PALLD: variants seen among roughly 807,000 people sequenced by gnomAD.
PALLD encodes palladin, cytoskeletal associated protein.
PALLD carries 61 observed loss-of-function variants against 123.5 expected under a neutral mutation model. The observed-to-expected ratio is 0.49, with a 90% CI of 0.40 to 0.61. The LOEUF (loss-of-function observed/expected upper bound fraction) is 0.61, where lower values mean the gene tolerates loss of function less well. Among genes scored for constraint, PALLD ranks in the 20% least tolerant of loss-of-function variants. The probability of loss-of-function intolerance (pLI) is 0.00; values close to 1 mark genes in which losing one functional copy is unlikely to be tolerated. For missense variants in PALLD, 1,273 were observed against 1,377.0 expected, an observed-to-expected ratio of 0.92 and a Z score of 1.20; for synonymous variants, 465 against 496.4, an observed-to-expected ratio of 0.94 and a Z score of 0.84.
intron 2 of PALLD, among the ~76,000 whole-genome samples, chr4:168,536,376 C>G (rs1268654251): frequency 6.6e-6 from 1 of 152,230 alleles, no homozygotes; most frequent in Non-Finnish European, 1.5e-5. Flanking sequence ...AGCCACAGAG[C>G]ATTGCCCTCC....
chr4:168,632,326 T>C lies in PALLD; in HGVS notation c.909-35864T>C, dbSNP rs1027037846. The stretch of plus-strand genomic sequence containing the variant: ...TAATCGGCTCCATCCTCGGTTGAAA[T>C]AGAAGGAAACTTTCACAAAGCAATC... On this transcript the variant is annotated intron_variant, in intron 2 of 21. Coordinates refer to ENST00000505667, the MANE Select transcript of PALLD (RefSeq NM_001166108.2). 6.6e-5 allele frequency among the ~76,000 whole-genome samples: 10 copies of C among 152,284 alleles called. No individual in the cohort carries two copies. The East Asian group carries it at 1.7e-3, about 26-fold the overall frequency.
chr4:168,823,317 A>G (rs1742986028), intron 10 of PALLD, among the ~76,000 whole-genome samples: 1 of 152,210 alleles, frequency 6.6e-6, no homozygotes, highest in African/African-American at 2.4e-5. Flanking sequence ...GTAACAGAGA[A>G]CACTGCTAGG....
At chr4:168,825,877 T>G (rs1223418698) in intron 10 of PALLD, among the ~76,000 whole-genome samples, 2 of 152,228 alleles carry the variant, frequency 1.3e-5, no homozygotes, top group Non-Finnish European at 2.9e-5. Flanking sequence ...AAGAACAAGC[T>G]GAGGACTTTA....
At chr4:168,607,735 A>T (rs1015948513) in intron 2 of PALLD, among the ~76,000 whole-genome samples, 2 of 152,000 alleles carry the variant, frequency 1.3e-5, no homozygotes, top group Admixed American at 6.6e-5. Context: ...CTGTTCCTCT[A>T]TAATGCTAAT....
chr4:168,796,612 T>C (rs1738546426), intron 10 of PALLD, among the ~76,000 whole-genome samples: 1 of 152,202 alleles, frequency 6.6e-6, no homozygotes, highest in Non-Finnish European at 1.5e-5. Flanking sequence ...AGAGGTTCCA[T>C]CTATGAGATG....
intron 10 of PALLD, among the ~76,000 whole-genome samples, chr4:168,718,614 A>G (rs188205121): frequency 2.0e-5 from 3 of 152,338 alleles, no homozygotes; most frequent in African/African-American, 7.2e-5. Context: ...TATGCACTGA[A>G]AAGTCTGCCT....
chr4:168,556,127 A>G lies in PALLD; in HGVS notation c.908+43715A>G, dbSNP rs1054906790. Among the ~76,000 whole-genome samples the G allele has an allele frequency of 2.0e-5, 3 of 150,904 alleles. No homozygotes were observed. The South Asian group carries it at 6.3e-4, about 32-fold the overall frequency. ...CTTTTTTTTTTTGAGACAGAGTCTC[A>G]CTCTGTCGCCCAGGCTGGAGTGCAG... is the stretch of plus-strand genomic sequence containing the variant. On this transcript the variant is annotated intron_variant, in intron 2 of 21. Transcript: ENST00000505667.
chr4:168,498,430 C>G (rs1760985783), intron 1 of PALLD, among the ~76,000 whole-genome samples: 1 of 152,184 alleles, frequency 6.6e-6, no homozygotes, highest in Non-Finnish European at 1.5e-5. Context: ...AGTACAATCA[C>G]TTTGACCTCC....
intron 10 of PALLD, among the ~76,000 whole-genome samples, chr4:168,816,576 G>GTGGTGGTT (rs1452443477): frequency 8.6e-5 from 13 of 151,858 alleles, no homozygotes; most frequent in African/African-American, 1.2e-4. Flanking sequence ...TTTGTTTTTG[G>GTGGTGGTT]GTTTTTTTTG....
intron 1 of PALLD, among the ~76,000 whole-genome samples, chr4:168,501,459 A>G (rs1276315512): frequency 2.6e-5 from 4 of 152,212 alleles, no homozygotes; most frequent in Non-Finnish European, 5.9e-5. Context: ...TTAACAAAAT[A>G]GGTCACCGTG....
chr4:168,720,258 A>G lies in PALLD; in HGVS notation c.1964+8335A>G, dbSNP rs572439939. 9.8e-5 allele frequency among the ~76,000 whole-genome samples: 15 copies of G among 152,352 alleles called. No homozygotes were observed. The East Asian group carries it at 1.7e-3, about 18-fold the overall frequency. On this transcript the variant is annotated intron_variant, in intron 10 of 21. Transcript: ENST00000505667. ...TTGTAGAAGAATGGCCAATCCCTAA[A>G]TTAGATTCAGTGCAACCCAAATGCC... is the stretch of plus-strand genomic sequence containing the variant.
chr4:168,725,522 CTTTTTTTTTTT>C (rs1210834634), intron 10 of PALLD, among the ~76,000 whole-genome samples: 1 of 91,654 alleles, frequency 1.1e-5, no homozygotes. Flanking sequence ...TCTTTAATTT[CTTTTTTTTTTT>C]TTTTTTTTTT....
intron 2 of PALLD, among the ~76,000 whole-genome samples, chr4:168,544,303 G>C (rs1765931188): frequency 6.6e-6 from 1 of 152,224 alleles, no homozygotes. Context: ...AATATTTTCA[G>C]TACCTATTAT....
At chr4:168,660,341 A>T (rs1038211330) in intron 2 of PALLD, among the ~76,000 whole-genome samples, 2 of 152,222 alleles carry the variant, frequency 1.3e-5, no homozygotes, top group Admixed American at 1.3e-4. Context: ...CTGTGGACAG[A>T]TGCAGCCACT....
chr4:168,587,931 CAGG>C (rs1173310827), intron 2 of PALLD, among the ~76,000 whole-genome samples: 1 of 152,054 alleles, frequency 6.6e-6, no homozygotes, highest in East Asian at 1.9e-4. Flanking sequence ...GGGAAGTGGA[CAGG>C]AGATGAGACT....
chr4:168,502,429 T>C (rs778379049), intron 1 of PALLD, among the ~76,000 whole-genome samples: 1 of 152,238 alleles, frequency 6.6e-6, no homozygotes, highest in Non-Finnish European at 1.5e-5. Context: ...CTATGACTGA[T>C]TTTGCTTTAG....
intron 3 of PALLD, among the ~76,000 whole-genome samples, chr4:168,671,324 T>C (rs1293380159): frequency 3.9e-5 from 6 of 152,194 alleles, no homozygotes; most frequent in Non-Finnish European, 5.9e-5. Flanking sequence ...CCTCAGGTAC[T>C]GAATATGAGA....
chr4:168,521,204 C>G (rs568206819), intron 2 of PALLD, among the ~76,000 whole-genome samples: 17 of 152,156 alleles, frequency 1.1e-4, no homozygotes, highest in Non-Finnish European at 1.8e-4. Context: ...AACAAAACAC[C>G]TGTATATAAG....
At chr4:168,565,459 C>T (rs1157468964) in intron 2 of PALLD, among the ~76,000 whole-genome samples, 1 of 152,036 alleles carries the variant, frequency 6.6e-6, no homozygotes, top group Non-Finnish European at 1.5e-5. Flanking sequence ...GTGTTCCAGA[C>T]CAAGAAAACC....
Sources: allele counts gnomAD v4.1 joint callset (sites outside exome capture counted in the v4.1 genomes callset), GRCh38; gene constraint gnomAD v4.1.1; transcripts MANE v1.5; gene names NCBI Gene and HGNC (gene_info 2026-07-23, HGNC 2026-07-21).